The following NKAIN1 variants were observed in gnomAD, a reference collection of about 807,000 sequenced individuals.
NKAIN1 encodes the protein sodium/potassium transporting ATPase interacting 1.
A neutral mutation model predicts 31.6 loss-of-function variants in NKAIN1; 13 were observed. That is an observed-to-expected ratio of 0.41 (90% CI 0.27 to 0.65). The LOEUF (loss-of-function observed/expected upper bound fraction) is 0.65, where lower values mean the gene tolerates loss of function less well. NKAIN1 is among the 30% of genes least tolerant of loss of function. The probability of loss-of-function intolerance (pLI) is 0.30; values close to 1 mark genes in which losing one functional copy is unlikely to be tolerated. For synonymous variants in NKAIN1, 104 were observed against 109.0 expected (o/e 0.95, Z 0.28); for missense variants, 193 against 262.2 (o/e 0.74, Z 1.82).
chr1:31,211,357 T>C (rs1645467456), intron 1 of NKAIN1, among the ~76,000 whole-genome samples: 1 of 152,284 alleles, frequency 6.6e-6, no homozygotes, highest in Middle Eastern at 3.4e-3. Context: ...TTTCTACACA[T>C]TGACAATGAA....
intron 1 of NKAIN1, among the ~76,000 whole-genome samples, chr1:31,197,536 G>A (rs1297967482): frequency 1.3e-4 from 18 of 142,842 alleles, no homozygotes; most frequent in Middle Eastern, 4.2e-3. Flanking sequence ...ATGAGCCACC[G>A]TGCCCGGCCT....
chr1:31,214,285 G>T (rs987641201), intron 1 of NKAIN1, among the ~76,000 whole-genome samples: 1 of 151,968 alleles, frequency 6.6e-6, no homozygotes, highest in Non-Finnish European at 1.5e-5. Flanking sequence ...TGGCAAGGGG[G>T]AGTGGGGAGT....
At chr1:31,209,989 T>TAAAAAA (rs71569969) in intron 1 of NKAIN1, among the ~76,000 whole-genome samples, 75 of 137,170 alleles carry the variant, frequency 5.5e-4, no homozygotes, top group Admixed American at 9.8e-4. Flanking sequence ...CCTGTCTTAT[T>TAAAAAA]AAAAAAAAAA....
chr1:31,193,647 G>T (rs1299941329), intron 1 of NKAIN1, among the ~76,000 whole-genome samples: 1 of 152,056 alleles, frequency 6.6e-6, no homozygotes, highest in Non-Finnish European at 1.5e-5. Flanking sequence ...AGTGAGCTGA[G>T]ATCGTGCCCT....
At chr1:31,211,021 G>T (rs920416798) in intron 1 of NKAIN1, among the ~76,000 whole-genome samples, 2 of 152,158 alleles carry the variant, frequency 1.3e-5, no homozygotes, top group Non-Finnish European at 2.9e-5. Context: ...CTGGTGAAGG[G>T]CATCTACAGA....
intron 1 of NKAIN1, chr1:31,188,439 C>T: frequency 2.2e-6 from 1 of 455,970 alleles, no homozygotes; most frequent in Non-Finnish European, 4.0e-6. Flanking sequence ...GCCCTTCCCT[C>T]TAGCGGCTCA....
intron 1 of NKAIN1, among the ~76,000 whole-genome samples, chr1:31,197,867 A>G (rs1435026619): frequency 2.0e-5 from 3 of 150,952 alleles, no homozygotes; most frequent in African/African-American, 7.3e-5. Context: ...TTTTATTTTT[A>G]TTTTTTTGAG....
chr1:31,198,343 C>T (rs187351285), intron 1 of NKAIN1, among the ~76,000 whole-genome samples: 56 of 152,278 alleles, frequency 3.7e-4, no homozygotes, highest in African/African-American at 1.3e-3. Flanking sequence ...GTGCAGCCCC[C>T]AGCTGCATTC....
rs1276285244 is a variant in NKAIN1, at chr1:31,180,293, T to C, written c.*1410A>G. 1 of 152,270 alleles carries C rather than the reference T, an allele frequency of 6.6e-6. No individual in the cohort carries two copies. The highest frequency in any genetic ancestry group is 1.5e-5 in the Non-Finnish European group (1 of 68,110). The allele number at this position is 152,270 out of a possible 1,614,324, so 9.4% of individuals were successfully genotyped here. ...CCCAGGGCCATGCCTCTTTCACAGA[T>C]GAAATGCTGAGACCTGATCCTCTCT... On this transcript the variant is annotated 3_prime_UTR_variant, in exon 7 of 7. Coordinates refer to ENST00000373736, the MANE Select transcript of NKAIN1 (RefSeq NM_024522.3).
intron 1 of NKAIN1, among the ~76,000 whole-genome samples, chr1:31,220,822 G>A (rs977701358): frequency 1.3e-5 from 2 of 150,314 alleles, no homozygotes; most frequent in East Asian, 3.9e-4. Flanking sequence ...GAAACTTTGT[G>A]ATTTGTGATT....
At chr1:31,201,303 T>C (rs1468787782) in intron 1 of NKAIN1, among the ~76,000 whole-genome samples, 2 of 151,848 alleles carry the variant, frequency 1.3e-5, no homozygotes, top group Non-Finnish European at 2.9e-5. Context: ...GGATACTTTA[T>C]GGAGCACTCA....
At chr1:31,208,346 C>CA (rs1645439787) in intron 1 of NKAIN1, among the ~76,000 whole-genome samples, 1 of 151,994 alleles carries the variant, frequency 6.6e-6, no homozygotes, top group South Asian at 2.1e-4. Context: ...TTCTTCCACC[C>CA]CCCGCTTATG....
chr1:31,216,730 AT>A (rs1557659485), intron 1 of NKAIN1, among the ~76,000 whole-genome samples: 1 of 151,728 alleles, frequency 6.6e-6, no homozygotes, highest in African/African-American at 2.4e-5. Flanking sequence ...TTATTTATTT[AT>A]TGAGACAGCT....
chr1:31,239,440 C>T lies in NKAIN1; in HGVS notation c.54+54G>A, dbSNP rs1044500911. 12 of 1,372,198 alleles carry T rather than the reference C, an allele frequency of 8.7e-6. No individual in the cohort carries two copies. The African/African-American group carries it at 1.8e-4, about 21-fold the overall frequency. The allele number at this position is 1,372,198 out of a possible 1,614,324, so 85.0% of individuals were successfully genotyped here. A position where few individuals can be genotyped will look rare whatever the true frequency, so the allele number is the denominator to read the frequency against. On this transcript the variant is annotated intron_variant, in intron 1 of 6. Transcript: ENST00000373736. The surrounding 1 kb of genome is among the most constrained non-coding windows in gnomAD (Gnocchi z 4.8). ...GCAACCCCACCCGCACGCCCTGGGACCGCGCCCCGCCGCGCCCCACCCTGC... is the reference window on the plus strand; with the variant it reads ...GCAACCCCACCCGCACGCCCTGGGATCGCGCCCCGCCGCGCCCCACCCTGC...
chr1:31,205,904 T>A lies in NKAIN1; in HGVS notation c.55-17717A>T, dbSNP rs371718008. Among the ~76,000 whole-genome samples the A allele has an allele frequency of 2.0e-5, 3 of 150,522 alleles. No individual in the cohort carries two copies. In the East Asian group the frequency reaches 6.1e-4, roughly 31 times the overall value. The stretch of plus-strand genomic sequence containing the variant: ...TCCCAAAATGCTGGGATTAAAAGCA[T>A]GAGCCACCGCGCCCGGCCCAGACAA... On this transcript the variant is annotated intron_variant, in intron 1 of 6. Coordinates refer to ENST00000373736, the MANE Select transcript of NKAIN1 (RefSeq NM_024522.3).
chr1:31,196,718 A>G (rs1176136701), intron 1 of NKAIN1, among the ~76,000 whole-genome samples: 1 of 43,686 alleles, frequency 2.3e-5, no homozygotes, highest in Non-Finnish European at 1.3e-4. Context: ...ATAAATAAAT[A>G]AATAAATAAA....
intron 1 of NKAIN1, among the ~76,000 whole-genome samples, chr1:31,197,278 A>T (rs974007360): frequency 1.3e-5 from 2 of 151,066 alleles, no homozygotes; most frequent in Non-Finnish European, 3.0e-5. Context: ...CGCCCGGCTA[A>T]TTTTTTGTAT....
chr1:31,205,842 C>T lies in NKAIN1; in HGVS notation c.55-17655G>A, dbSNP rs139894255. Reference sequence around the variant, plus strand: ...TTCACTATGTTGGTCAGGCTGGTCTCGAACTCCTGACCTCAGGTGATCGGC... The same window carrying T: ...TTCACTATGTTGGTCAGGCTGGTCTTGAACTCCTGACCTCAGGTGATCGGC... On this transcript the variant is annotated intron_variant, in intron 1 of 6. Transcript: ENST00000373736. 6.2e-3 allele frequency among the ~76,000 whole-genome samples: 932 copies of T among 149,552 alleles called. 8 individuals are homozygous for T. Among genetic ancestry groups the T allele is most frequent in the African/African-American group, 0.021 (859 of 40,956 alleles).
chr1:31,228,629 A>G (rs377497507), intron 1 of NKAIN1, among the ~76,000 whole-genome samples: 7 of 151,882 alleles, frequency 4.6e-5, no homozygotes, highest in African/African-American at 1.4e-4. Context: ...GCTTTTTTTC[A>G]TTGTTTGAGG....
Sources: allele counts gnomAD v4.1 joint callset (sites outside exome capture counted in the v4.1 genomes callset), GRCh38; gene constraint gnomAD v4.1.1; non-coding constraint Gnocchi (gnomAD v3.1); transcripts MANE v1.5; gene names NCBI Gene and HGNC (gene_info 2026-07-23, HGNC 2026-07-21).